The following BACH2 variants were observed in gnomAD, a reference collection of about 807,000 sequenced individuals.
The protein encoded by BACH2 is BACH transcriptional regulator 2, also known as transcription regulator protein BACH2.
BACH2 carries 5 observed loss-of-function variants against 61.8 expected under a neutral mutation model. That is an observed-to-expected ratio of 0.08 (90% CI 0.04 to 0.17). The LOEUF is 0.17. Among genes scored for constraint, BACH2 ranks in the 10% least tolerant of loss-of-function variants. The probability of loss-of-function intolerance (pLI) is 1.00; values close to 1 mark genes in which losing one functional copy is unlikely to be tolerated. For synonymous variants in BACH2, 446 were observed against 440.1 expected, an observed-to-expected ratio of 1.01 and a Z score of -0.17; for missense variants, 824 against 1,091.1, an observed-to-expected ratio of 0.76 and a Z score of 3.45.
chr6:90,249,798 T>C (rs1179043973), intron 3 of BACH2, among the ~76,000 whole-genome samples: 1 of 151,922 alleles, frequency 6.6e-6, no homozygotes, highest in African/African-American at 2.4e-5. Flanking sequence ...AAACCTAAGA[T>C]TGAACAACAA....
At chr6:90,055,285 G>A (rs1048487497) in intron 5 of BACH2, among the ~76,000 whole-genome samples, 3 of 152,190 alleles carry the variant, frequency 2.0e-5, no homozygotes, top group Admixed American at 2.0e-4. Flanking sequence ...TAAAGGACCC[G>A]ATGGAGCTGA....
intron 4 of BACH2, among the ~76,000 whole-genome samples, chr6:90,121,628 C>T (rs1783629179): frequency 6.6e-6 from 1 of 152,142 alleles, no homozygotes; most frequent in Non-Finnish European, 1.5e-5. Context: ...CTGCAACCTC[C>T]ACCTTCCGGG....
At chr6:90,286,531 T>C (rs1772022339) in intron 1 of BACH2, among the ~76,000 whole-genome samples, 1 of 152,218 alleles carries the variant, frequency 6.6e-6, no homozygotes, top group African/African-American at 2.4e-5. Flanking sequence ...TATGAGAGGT[T>C]AAATTTATAA....
At chr6:90,035,469 G>T (rs1779216408) in intron 5 of BACH2, among the ~76,000 whole-genome samples, 1 of 152,080 alleles carries the variant, frequency 6.6e-6, no homozygotes, top group Non-Finnish European at 1.5e-5. Context: ...GAGGAGATTT[G>T]TAAGACATCT....
At chr6:89,971,231 C>T (rs543765008) in intron 6 of BACH2, among the ~76,000 whole-genome samples, 5 of 152,324 alleles carry the variant, frequency 3.3e-5, no homozygotes, top group Non-Finnish European at 7.3e-5. Context: ...CAGTGAGTTT[C>T]AGTGACACTA....
intron 6 of BACH2, among the ~76,000 whole-genome samples, chr6:89,963,580 CT>C (rs1205407937): frequency 6.6e-6 from 1 of 152,226 alleles, no homozygotes; most frequent in African/African-American, 2.4e-5. Flanking sequence ...GTGTGAGTCA[CT>C]GCATTTGGCC....
chr6:90,079,919 T>G (rs1456348231), intron 5 of BACH2, among the ~76,000 whole-genome samples: 1 of 152,020 alleles, frequency 6.6e-6, no homozygotes, highest in Non-Finnish European at 1.5e-5. Flanking sequence ...ACTTTCATTT[T>G]TTTTTTTTTT....
In BACH2 at chr6:90,092,315, T is replaced by TATATATATATATAC. The variant is rs142761642; in HGVS notation, c.-161-3207_-161-3206insGTATATATATATAT. Among the ~76,000 whole-genome samples, 323 of 112,038 alleles carry TATATATATATATAC rather than the reference T, an allele frequency of 2.9e-3. 8 individuals carry two copies. The East Asian group carries it at 0.043, about 15-fold the overall frequency. The allele number at this position is 112,038 out of a possible 152,430, so 73.5% of individuals were successfully genotyped here. On this transcript the variant is annotated intron_variant, in intron 4 of 8. Transcript: ENST00000257749. ...AAATATATATATATATATATATATA[T>TATATATATATATAC]ACACACACACACATTGCATCACTTG...
At chr6:90,127,272 G>T (rs943864523) in intron 4 of BACH2, among the ~76,000 whole-genome samples, 1 of 123,216 alleles carries the variant, frequency 8.1e-6, no homozygotes, top group Admixed American at 7.5e-5. Flanking sequence ...AGGATTTCCC[G>T]CTCCGCTCCG....
At chr6:90,212,208 G>C (rs1349350305) in intron 3 of BACH2, among the ~76,000 whole-genome samples, 1 of 140,828 alleles carries the variant, frequency 7.1e-6, no homozygotes, top group Admixed American at 7.4e-5. Flanking sequence ...AAAATATAAG[G>C]TCATTTTATT....
At chr6:90,178,773 A>C (rs1768059748) in intron 4 of BACH2, among the ~76,000 whole-genome samples, 1 of 152,222 alleles carries the variant, frequency 6.6e-6, no homozygotes, top group South Asian at 2.1e-4. Flanking sequence ...CTTTGGGCAC[A>C]AAATGCAGAG....
At chr6:90,029,939 T>C (rs1418515686) in intron 5 of BACH2, among the ~76,000 whole-genome samples, 1 of 152,142 alleles carries the variant, frequency 6.6e-6, no homozygotes, top group East Asian at 1.9e-4. Context: ...AAGAAAGGCT[T>C]AGATTGACAC....
chr6:90,144,761 A>C (rs1373403839), intron 4 of BACH2, among the ~76,000 whole-genome samples: 1 of 152,236 alleles, frequency 6.6e-6, no homozygotes, highest in African/African-American at 2.4e-5. Flanking sequence ...TTGGGGAGTT[A>C]GGCTTCCTAT....
chr6:90,230,131 G>T (rs982311583), intron 3 of BACH2, among the ~76,000 whole-genome samples: 2 of 152,188 alleles, frequency 1.3e-5, no homozygotes, highest in Non-Finnish European at 2.9e-5. Context: ...AGGCAGAGAG[G>T]TTTTGAGAAA....
chr6:90,047,734 A>G (rs558218292), intron 5 of BACH2, among the ~76,000 whole-genome samples: 1 of 152,244 alleles, frequency 6.6e-6, no homozygotes, highest in Non-Finnish European at 1.5e-5. Context: ...TCACACCATC[A>G]AACCCTGGGG....
intron 5 of BACH2, among the ~76,000 whole-genome samples, chr6:90,033,873 T>C (rs1257994578): frequency 6.6e-6 from 1 of 152,200 alleles, no homozygotes; most frequent in Non-Finnish European, 1.5e-5. Context: ...GAGCTTTTAC[T>C]GGTTACCTAG....
chr6:90,165,069 T>C (rs1407162529), intron 4 of BACH2, among the ~76,000 whole-genome samples: 1 of 152,140 alleles, frequency 6.6e-6, no homozygotes. Flanking sequence ...GCCAGGGCAA[T>C]TAGGCAGGAG....
rs557782140 is a variant in BACH2 at position 90,076,062 on chromosome 6, T to A, written c.-13+12899A>T. ...AAGAAAATAGAAGAAGCGAAAAAAA[T>A]GATTTTTCTCTACAAGTCCCACTCT... On this transcript the variant is annotated intron_variant, in intron 5 of 8. Transcript: ENST00000257749. Among the ~76,000 whole-genome samples the A allele has an allele frequency of 4.6e-5, 7 of 152,138 alleles. No individual in the cohort carries two copies. In the South Asian group the frequency reaches 1.5e-3, roughly 32 times the overall value.
At chr6:90,122,961 G>T (rs1478429506) in intron 4 of BACH2, among the ~76,000 whole-genome samples, 2 of 152,194 alleles carry the variant, frequency 1.3e-5, no homozygotes, top group African/African-American at 2.4e-5. Context: ...AGAATGTTTT[G>T]CTTAACTTCA....
Sources: gnomAD v4.1 joint callset for allele counts (sites outside exome capture counted in the v4.1 genomes callset) on GRCh38, gnomAD v4.1.1 for gene constraint, MANE v1.5 for transcripts, NCBI Gene and HGNC (gene_info 2026-07-23, HGNC 2026-07-21) for gene names.